KCNQ3: variants seen among roughly 807,000 people sequenced by gnomAD.
KCNQ3 encodes the protein potassium voltage-gated channel subfamily KQT member 3.
Under a neutral mutation model 92.5 loss-of-function variants are expected in KCNQ3, and 30 were observed. That is an observed-to-expected ratio of 0.32 (90% CI 0.24 to 0.44). The LOEUF (loss-of-function observed/expected upper bound fraction) is 0.44. Among genes scored for constraint, KCNQ3 ranks in the 20% least tolerant of loss-of-function variants. The pLI is 1.00. For missense variants in KCNQ3, 913 were observed against 1,140.3 expected (o/e 0.80, Z 2.87); for synonymous variants, 450 against 468.8 (o/e 0.96, Z 0.52).
In KCNQ3 at chr8:132,266,498, T is replaced by A. The variant is rs532555881; in HGVS notation, c.387-80317A>T. Among the ~76,000 whole-genome samples the A allele has an allele frequency of 2.4e-4, 37 of 152,288 alleles. 1 individual carries two copies. The South Asian group carries it at 7.7e-3, about 32-fold the overall frequency. The stretch of plus-strand genomic sequence containing the variant: ...ATCACAGCCTGTTTTTTATACTTTT[T>A]GGACACTCATACTGCTAATCCCAGC... On this transcript the variant is annotated intron_variant, in intron 1 of 14. Transcript: ENST00000388996.
chr8:132,213,893 A>G (rs1312961803), intron 1 of KCNQ3, among the ~76,000 whole-genome samples: 2 of 152,206 alleles, frequency 1.3e-5, no homozygotes, highest in Non-Finnish European at 2.9e-5. Flanking sequence ...AGCATTTCAA[A>G]TGGGATGTTT....
At chr8:132,283,256 C>CA (rs59794466) in intron 1 of KCNQ3, among the ~76,000 whole-genome samples, 14 of 150,290 alleles carry the variant, frequency 9.3e-5, no homozygotes, top group African/African-American at 2.2e-4. Flanking sequence ...CTCAGAGAGG[C>CA]AAAAAAAAAA....
chr8:132,334,785 C>T (rs1181700805), intron 1 of KCNQ3, among the ~76,000 whole-genome samples: 2 of 152,160 alleles, frequency 1.3e-5, no homozygotes, highest in Non-Finnish European at 2.9e-5. Context: ...CCAGACAAGA[C>T]CCTCTTCCCT....
intron 1 of KCNQ3, among the ~76,000 whole-genome samples, chr8:132,384,514 A>C (rs72721042): frequency 2.0e-5 from 3 of 152,080 alleles, no homozygotes; most frequent in Non-Finnish European, 2.9e-5. Context: ...GGTACAGTGC[A>C]TTAAATCTCA....
At chr8:132,190,772 A>G (rs1325330180) in intron 1 of KCNQ3, among the ~76,000 whole-genome samples, 1 of 152,158 alleles carries the variant, frequency 6.6e-6, no homozygotes, top group African/African-American at 2.4e-5. Context: ...CCACTAAGTT[A>G]GAGGCAATTT....
chr8:132,226,621 A>G (rs1356945489), intron 1 of KCNQ3, among the ~76,000 whole-genome samples: 1 of 152,200 alleles, frequency 6.6e-6, no homozygotes, highest in Non-Finnish European at 1.5e-5. Context: ...ATTAAGGACC[A>G]TGCTATTTTG....
intron 1 of KCNQ3, among the ~76,000 whole-genome samples, chr8:132,374,223 T>C (rs2130743209): frequency 6.6e-6 from 1 of 152,216 alleles, no homozygotes; most frequent in Non-Finnish European, 1.5e-5. Context: ...TCTGACCCTG[T>C]TTCCTCCCTT....
At chr8:132,212,631 CTG>C (rs1195844958) in intron 1 of KCNQ3, among the ~76,000 whole-genome samples, 11 of 151,946 alleles carry the variant, frequency 7.2e-5, no homozygotes, top group Non-Finnish European at 1.3e-4. Flanking sequence ...CCTTCCCCAT[CTG>C]TGTGTTCAGC....
chr8:132,319,045 C>A (rs979157469), intron 1 of KCNQ3, among the ~76,000 whole-genome samples: 2 of 151,876 alleles, frequency 1.3e-5, no homozygotes, highest in African/African-American at 4.8e-5. Flanking sequence ...AATGTTGGCT[C>A]CAGAGAATTT....
At chr8:132,283,074 ATCTC>A (rs57257623) in intron 1 of KCNQ3, among the ~76,000 whole-genome samples, 4 of 143,402 alleles carry the variant, frequency 2.8e-5, no homozygotes, top group East Asian at 4.0e-4. Flanking sequence ...GGAGATGAGG[ATCTC>A]TCTCTCTCTC....
At chr8:132,439,144 CA>C (rs1166805586) in intron 1 of KCNQ3, among the ~76,000 whole-genome samples, 1 of 151,716 alleles carries the variant, frequency 6.6e-6, no homozygotes, top group Admixed American at 6.6e-5. Flanking sequence ...TTAGATTTCC[CA>C]CATCCCTAAC....
chr8:132,409,599 A>G (rs1820593558), intron 1 of KCNQ3, among the ~76,000 whole-genome samples: 1 of 152,240 alleles, frequency 6.6e-6, no homozygotes, highest in South Asian at 2.1e-4. Flanking sequence ...GACAGGGGAC[A>G]TCCCTCATCA....
At position 132,148,166 on chromosome 8, in the gene KCNQ3, G is replaced by T. The variant is rs900966044; in HGVS notation, c.1263-6835C>A. On this transcript the variant is annotated intron_variant, in intron 9 of 14. Transcript: ENST00000388996. The stretch of plus-strand genomic sequence containing the variant: ...AACTGGAGATGAGATGATAATGAAC[G>T]TGAAGTGGCCAAAAGAAAGGGGGTC... Among the ~76,000 whole-genome samples, 5 of 152,252 alleles carry T rather than the reference G, an allele frequency of 3.3e-5. No individual in the cohort carries two copies. In the East Asian group the frequency reaches 9.6e-4, roughly 29 times the overall value.
chr8:132,126,161 A>C lies in KCNQ3; in HGVS notation c.*3101T>G, dbSNP rs1362786887. ...CACTCCTAGTTTGATGATGGAATTA[A>C]TTTGTCAATATTTCATGGAGTTCTG... On this transcript the variant is annotated 3_prime_UTR_variant, in exon 15 of 15. Coordinates refer to ENST00000388996, the MANE Select transcript of KCNQ3 (RefSeq NM_004519.4). The C allele has an allele frequency of 1.3e-5, 2 of 152,230 alleles. No homozygotes were observed. The highest frequency in any genetic ancestry group is 3.8e-4 in the East Asian group (2 of 5,200). 9.4% of individuals were successfully genotyped at this position (152,230 alleles called of 1,614,324 possible). A position where few individuals can be genotyped will look rare whatever the true frequency, so the allele number is the denominator to read the frequency against.
chr8:132,180,427 A>T (rs938148168), intron 3 of KCNQ3, 98 bp from the exon 4 acceptor site: 3 of 1,343,950 alleles, frequency 2.2e-6, no homozygotes, highest in African/African-American at 2.9e-5. Context: ...GCAGATCAGC[A>T]TGTGCCAAGC....
intron 1 of KCNQ3, among the ~76,000 whole-genome samples, chr8:132,371,178 A>G (rs1280740643): frequency 2.0e-5 from 3 of 152,116 alleles, no homozygotes; most frequent in African/African-American, 7.2e-5. Context: ...TCCATCTTCA[A>G]TCTGACTCTC....
intron 2 of KCNQ3, among the ~76,000 whole-genome samples, chr8:132,184,661 CA>C (rs1826906128): frequency 6.6e-6 from 1 of 152,086 alleles, no homozygotes; most frequent in Non-Finnish European, 1.5e-5. Flanking sequence ...TCCAATAGGT[CA>C]GCTTTAAAAG....
intron 4 of KCNQ3, among the ~76,000 whole-genome samples, chr8:132,177,752 G>A (rs777161623): frequency 2.0e-5 from 3 of 152,212 alleles, no homozygotes; most frequent in Non-Finnish European, 4.4e-5. Flanking sequence ...GTTAGCCATA[G>A]TACCCGGCCC....
At chr8:132,284,074 A>G (rs1816609073) in intron 1 of KCNQ3, among the ~76,000 whole-genome samples, 1 of 152,214 alleles carries the variant, frequency 6.6e-6, no homozygotes, top group African/African-American at 2.4e-5. Flanking sequence ...ATTACATGCT[A>G]TGAAGGAAAG....
Sources: gnomAD v4.1 joint callset for allele counts (sites outside exome capture counted in the v4.1 genomes callset) on GRCh38, gnomAD v4.1.1 for gene constraint, MANE v1.5 for transcripts, NCBI Gene and HGNC (gene_info 2026-07-23, HGNC 2026-07-21) for gene names.